BSG: variants seen among roughly 807,000 people sequenced by gnomAD.
BSG encodes the protein basigin.
BSG carries 37 observed loss-of-function variants against 43.1 expected under a neutral mutation model. The observed-to-expected ratio is 0.86, with a 90% CI of 0.66 to 1.13. The LOEUF (loss-of-function observed/expected upper bound fraction) is 1.13, where lower values mean the gene tolerates loss of function less well. Among genes scored for constraint, BSG ranks in the 50% most tolerant of loss-of-function variants. The pLI, the probability that BSG is intolerant of heterozygous loss-of-function variation, is 0.00. For missense variants in BSG, 599 were observed against 554.2 expected (o/e 1.08, Z -0.81); for synonymous variants, 309 against 238.7 (o/e 1.29, Z -2.72).
chr19:580,113 G>C, intron 3 of BSG: 1 of 502,532 alleles, frequency 2.0e-6, no homozygotes, highest in Non-Finnish European at 3.6e-6. Flanking sequence ...CGGTCACAGG[G>C]TGTGGGGTGC....
chr19:572,409 C>T (rs1194695887), upstream of BSG: 59 of 985,222 alleles, frequency 6.0e-5, no homozygotes, highest in Non-Finnish European at 6.9e-5. Context: ...GGGTCACGTG[C>T]GCCGCCGCCC....
intron 1 of BSG, among the ~76,000 whole-genome samples, chr19:576,263 G>C (rs1381974623): frequency 6.6e-6 from 1 of 152,232 alleles, no homozygotes; most frequent in Non-Finnish European, 1.5e-5. Flanking sequence ...GGGTGAGGAG[G>C]ATGTGGAGCC....
At chr19:581,970 G>A (rs1982366412) in intron 6 of BSG, among the ~76,000 whole-genome samples, 1 of 152,276 alleles carries the variant, frequency 6.6e-6, no homozygotes, top group Admixed American at 6.5e-5. Context: ...CCTCCTCGCG[G>A]AGCCCTTCTG....
intron 6 of BSG, 64 bp downstream of exon 6, chr19:581,655 C>G (rs1982336299): frequency 6.7e-7 from 1 of 1,486,100 alleles, no homozygotes; most frequent in South Asian, 1.3e-5. Flanking sequence ...CACTCCTGGT[C>G]CGTCCCTGCC....
At chr19:579,911 G>T in intron 3 of BSG, 1 of 537,658 alleles carries the variant, frequency 1.9e-6, no homozygotes, top group Non-Finnish European at 3.2e-6. Flanking sequence ...GGGCACGAAA[G>T]GGCGCCACAC....
upstream of BSG, chr19:572,504 G>A (rs960919308): frequency 6.9e-5 from 83 of 1,203,770 alleles, no homozygotes; most frequent in African/African-American, 6.2e-4. Flanking sequence ...CGGCGTCCCC[G>A]GCGCTCGCCC....
upstream of BSG, chr19:571,565 G>C (rs764206824): frequency 2.6e-6 from 2 of 779,562 alleles, no homozygotes; most frequent in Non-Finnish European, 4.8e-6. Context: ...AGTCGGACGC[G>C]TCTCCCCAAG....
chr19:578,246 C>T, intron 2 of BSG, 125 bp downstream of exon 2: 1 of 1,038,380 alleles, frequency 9.6e-7, no homozygotes, highest in Non-Finnish European at 1.3e-6. Context: ...CCCCGTTGGG[C>T]CCACCGCCTG....
chr19:579,810 C>A (rs560128357), intron 3 of BSG, 154 bp downstream of exon 3: 3 of 1,246,376 alleles, frequency 2.4e-6, no homozygotes, highest in Non-Finnish European at 3.2e-6. Flanking sequence ...AGAGGGAAAC[C>A]CCAGGGAGGG....
At chr19:572,454 G>C, upstream of BSG, 2 of 1,154,608 alleles carry the variant, frequency 1.7e-6, no homozygotes, top group Non-Finnish European at 2.1e-6. Context: ...GAGCCGGCGC[G>C]TACATGCGAG....
chr19:571,814 A>T (rs55716777), upstream of BSG: 228 of 563,028 alleles, frequency 4.0e-4, no homozygotes, highest in African/African-American at 4.0e-3. Context: ...CCCACAATCT[A>T]AGCTGATCCC....
intron 1 of BSG, among the ~76,000 whole-genome samples, chr19:573,364 G>C (rs925682375): frequency 6.6e-6 from 1 of 152,224 alleles, no homozygotes; most frequent in Non-Finnish European, 1.5e-5. Context: ...GGCCCGTGCG[G>C]CCTGGAGCGA....
chr19:574,663 C>T lies in BSG; in HGVS notation c.67+1962C>T, dbSNP rs1981607183. 2.0e-5 allele frequency among the ~76,000 whole-genome samples: 3 copies of T among 152,238 alleles called. No individual in the cohort carries two copies. The South Asian group carries it at 6.2e-4, about 31-fold the overall frequency. On this transcript the variant is annotated intron_variant, in intron 1 of 8. Transcript: ENST00000333511. ...AGAGCAAGGGCTTCGAGCCTCTGTC[C>T]TGGGCATTGAGCCGTAGGGGGCCTT... is the stretch of plus-strand genomic sequence containing the variant.
At chr19:580,110 A>G in intron 3 of BSG, 1 of 481,768 alleles carries the variant, frequency 2.1e-6, no homozygotes, top group South Asian at 2.6e-5. Context: ...AGACGGTCAC[A>G]GGGTGTGGGG....
chr19:580,705 A>T lies in BSG; in HGVS notation c.715A>T (p.Met239Leu), dbSNP rs769337628. 1 of 1,612,852 alleles carries T rather than the reference A, an allele frequency of 6.2e-7. No homozygotes were observed. The highest frequency in any genetic ancestry group is 1.7e-5 in the Admixed American group (1 of 60,022). Reference protein sequence around the residue: ...SEHINEGETAMLVCKSESVPP... With the variant: ...SEHINEGETALLVCKSESVPP... ...ACACATCAACGAGGGGGAGACGGCC[A>T]TGCTGGTCTGCAAGTCAGAGTCCGT... Residue 239 changes from methionine (M) to leucine (L), a missense_variant, in exon 5 of 9, where the codon ATG becomes TTG. By Grantham distance (15) the Met-to-Leu change is conservative. Coordinates refer to ENST00000333511, the MANE Select transcript of BSG (RefSeq NM_001728.4).
At chr19:573,536 C>G (rs1981482499) in intron 1 of BSG, among the ~76,000 whole-genome samples, 1 of 152,188 alleles carries the variant, frequency 6.6e-6, no homozygotes. Flanking sequence ...GGTGTTCTCC[C>G]AGACTCTTAA....
chr19:575,528 C>T (rs1456846181), intron 1 of BSG: 13 of 107,946 alleles, frequency 1.2e-4, no homozygotes, highest in Non-Finnish European at 1.3e-4. Flanking sequence ...TGGCTGCGGC[C>T]GGTGGGGGTG....
At chr19:571,773 C>T, upstream of BSG, 1 of 614,932 alleles carries the variant, frequency 1.6e-6, no homozygotes, top group Non-Finnish European at 2.9e-6. Flanking sequence ...TTCTGTTCCT[C>T]TGTCCTTTCC....
intron 2 of BSG, chr19:578,904 G>C (rs1982020452): frequency 2.5e-6 from 1 of 395,780 alleles, no homozygotes; most frequent in Admixed American, 2.9e-5. Flanking sequence ...CTAATTTTTT[G>C]TATTTTTAGA....
Sources: allele counts gnomAD v4.1 joint callset (sites outside exome capture counted in the v4.1 genomes callset), GRCh38; gene constraint gnomAD v4.1.1; transcripts MANE v1.5; gene names NCBI Gene and HGNC (gene_info 2026-07-23, HGNC 2026-07-21).